Variants in XRN2 observed in about 807,000 individuals in gnomAD.
XRN2 encodes the protein 5'-3' exoribonuclease 2, also known as DHM1-like protein.
In XRN2, 44 loss-of-function variants were observed where a neutral mutation model predicts 138.5. That is an observed-to-expected ratio of 0.32 (90% confidence interval 0.25 to 0.41). XRN2 has a LOEUF of 0.41. Ranked by LOEUF, XRN2 falls within the 10% of genes least tolerant of loss-of-function variation. The pLI, the probability that XRN2 is intolerant of heterozygous loss-of-function variation, is 1.00. For missense variants in XRN2, 937 were observed against 1,169.3 expected (o/e 0.80, Z 2.90); for synonymous variants, 354 against 369.4 (o/e 0.96, Z 0.48).
intron 1 of XRN2, among the ~76,000 whole-genome samples, chr20:21,321,444 T>TA (rs2038043862): frequency 6.6e-6 from 1 of 151,682 alleles, no homozygotes; most frequent in African/African-American, 2.4e-5. Flanking sequence ...ACCTCTGCCT[T>TA]AATCTCCTAG....
chr20:21,332,177 G>A, intron 8 of XRN2, 106 bp from the exon 9 acceptor site: 7 of 1,356,790 alleles, frequency 5.2e-6, no homozygotes, highest in Non-Finnish European at 6.9e-6. Context: ...TGCTCATTTG[G>A]GTGCTCATTT....
At chr20:21,334,450 T>TA (rs1447867687) in intron 13 of XRN2, among the ~76,000 whole-genome samples, 1 of 152,222 alleles carries the variant, frequency 6.6e-6, no homozygotes, top group Admixed American at 6.5e-5. Flanking sequence ...AACACATTTC[T>TA]AATCAATAGG....
intron 15 of XRN2, among the ~76,000 whole-genome samples, chr20:21,342,174 G>A (rs1282318715): frequency 6.6e-6 from 1 of 152,130 alleles, no homozygotes; most frequent in Non-Finnish European, 1.5e-5. Flanking sequence ...TTTATTTAAA[G>A]GGAGCCATTA....
At chr20:21,325,671 T>C (rs1326301578) in intron 1 of XRN2, among the ~76,000 whole-genome samples, 2 of 152,066 alleles carry the variant, frequency 1.3e-5, no homozygotes, top group East Asian at 1.9e-4. Flanking sequence ...GCTTCAACAA[T>C]AGTATGGCAG....
rs751295237 is a variant in XRN2 at position 21,356,190 on chromosome 20, A to G, written c.2118+13A>G. On this transcript the variant is annotated intron_variant, in intron 22 of 29. Transcript: ENST00000377191. Reference sequence around the variant, plus strand: ...AGGTTCCACAGAGGTATGTTACGCAATTTGGTTAATTAGAAATGCACTTTT... The same window carrying G: ...AGGTTCCACAGAGGTATGTTACGCAGTTTGGTTAATTAGAAATGCACTTTT... 1 of 1,576,402 alleles carries G rather than the reference A, an allele frequency of 6.3e-7. No individual in the cohort carries two copies. Among genetic ancestry groups the G allele is most frequent in the Non-Finnish European group, 8.6e-7 (1 of 1,161,770 alleles).
intron 1 of XRN2, among the ~76,000 whole-genome samples, chr20:21,322,205 G>C (rs549928846): frequency 6.6e-6 from 1 of 152,134 alleles, no homozygotes; most frequent in Non-Finnish European, 1.5e-5. Context: ...TAAGTGCTCC[G>C]TAAATGCTAG....
chr20:21,364,198 A>G (rs1351635896), intron 24 of XRN2, among the ~76,000 whole-genome samples: 1 of 152,116 alleles, frequency 6.6e-6, no homozygotes, highest in Admixed American at 6.5e-5. Flanking sequence ...TCTATTACTA[A>G]ATTTTTAAAA....
chr20:21,370,648 T>C (rs1184452357), intron 27 of XRN2, among the ~76,000 whole-genome samples: 1 of 152,204 alleles, frequency 6.6e-6, no homozygotes, highest in Non-Finnish European at 1.5e-5. Flanking sequence ...CTGGAAGACA[T>C]TAGTCTTTCC....
intron 1 of XRN2, among the ~76,000 whole-genome samples, chr20:21,320,466 A>C (rs1215837136): frequency 6.6e-6 from 1 of 151,148 alleles, no homozygotes; most frequent in African/African-American, 2.4e-5. Context: ...CATCCGGCTA[A>C]TTTTTTGTAT....
intron 15 of XRN2, among the ~76,000 whole-genome samples, chr20:21,343,352 T>G (rs1043314283): frequency 2.0e-5 from 3 of 151,964 alleles, no homozygotes; most frequent in African/African-American, 4.8e-5. Flanking sequence ...GTTAATTGAG[T>G]TAGGTACAAA....
At chr20:21,309,290 T>G (rs977147654) in intron 1 of XRN2, among the ~76,000 whole-genome samples, 1 of 152,232 alleles carries the variant, frequency 6.6e-6, no homozygotes, top group Non-Finnish European at 1.5e-5. Context: ...ACTTGGAGTT[T>G]TGTGGGAAGG....
intron 27 of XRN2, among the ~76,000 whole-genome samples, chr20:21,376,042 G>C (rs1443999722): frequency 6.6e-6 from 1 of 152,112 alleles, no homozygotes; most frequent in African/African-American, 2.4e-5. Context: ...GTTTCACCGC[G>C]TTAGCCAGGA....
Position 21,330,461 on chromosome 20 carries a change from A to C in XRN2, c.428-20A>C. 6.2e-7 allele frequency: 1 copy of C among 1,612,080 alleles called. No homozygotes were observed. Among genetic ancestry groups the C allele is most frequent in the Non-Finnish European group, 8.5e-7 (1 of 1,179,676 alleles). ...TCTCACTTTTTATGGGGAGAACAAA[A>C]CGTTGCCTCTTTTCTCTAGGTGGCT... On this transcript the variant is annotated intron_variant, in intron 4 of 29. Coordinates refer to ENST00000377191, the MANE Select transcript of XRN2 (RefSeq NM_012255.5).
chr20:21,315,164 T>C (rs2037941442), intron 1 of XRN2, among the ~76,000 whole-genome samples: 1 of 152,222 alleles, frequency 6.6e-6, no homozygotes, highest in Non-Finnish European at 1.5e-5. Flanking sequence ...GTTAAATTCC[T>C]GGGAGGGACA....
intron 17 of XRN2, 120 bp downstream of exon 17, chr20:21,346,670 A>AGG (rs1220484503): frequency 7.9e-7 from 1 of 1,271,914 alleles, no homozygotes; most frequent in African/African-American, 1.5e-5. Flanking sequence ...CCTGGGCGGG[A>AGG]GGGCAATGGC....
At chr20:21,366,712 T>G (rs1039581713) in intron 26 of XRN2, among the ~76,000 whole-genome samples, 7 of 152,224 alleles carry the variant, frequency 4.6e-5, no homozygotes, top group African/African-American at 1.7e-4. Flanking sequence ...GCTCCATCTT[T>G]AAAACCTAAA....
rs6113211 is a variant in XRN2, at chr20:21,365,770, G to A, written c.2456+66G>A. 1,851 of 1,341,396 alleles carry A rather than the reference G, an allele frequency of 1.4e-3. 25 individuals are homozygous for A. In the African/African-American group the frequency reaches 0.027, roughly 20 times the overall value. The allele number at this position is 1,341,396 out of a possible 1,614,324, so 83.1% of individuals were successfully genotyped here. A position where few individuals can be genotyped will look rare whatever the true frequency, so the allele number is the denominator to read the frequency against. On this transcript the variant is annotated intron_variant, in intron 26 of 29. Transcript: ENST00000377191. The stretch of plus-strand genomic sequence containing the variant: ...CTGAATCATCCCATAAAACAAGTCA[G>A]TATTTATGCCATATATATAAATTTA...
At chr20:21,310,591 T>A (rs1299167980) in intron 1 of XRN2, among the ~76,000 whole-genome samples, 1 of 152,218 alleles carries the variant, frequency 6.6e-6, no homozygotes, top group African/African-American at 2.4e-5. Flanking sequence ...ATCTATTTTA[T>A]TTGTCATTAA....
intron 1 of XRN2, among the ~76,000 whole-genome samples, chr20:21,314,502 A>G (rs772182587): frequency 6.6e-6 from 1 of 152,160 alleles, no homozygotes; most frequent in Non-Finnish European, 1.5e-5. Context: ...ACTGCCAGCC[A>G]CTTTCCCAGG....
Sources: gnomAD v4.1 joint callset for allele counts (sites outside exome capture counted in the v4.1 genomes callset) on GRCh38, gnomAD v4.1.1 for gene constraint, MANE v1.5 for transcripts, NCBI Gene and HGNC (gene_info 2026-07-23, HGNC 2026-07-21) for gene names.